The following KLHL22 variants were observed in gnomAD, a reference collection of about 807,000 sequenced individuals.
The protein encoded by KLHL22 is kelch like family member 22.
KLHL22 carries 18 observed loss-of-function variants against 60.7 expected under a neutral mutation model. The ratio of observed to expected loss-of-function variants is 0.30; its 90% CI spans 0.20 to 0.44. The LOEUF is 0.44. KLHL22 is among the 20% of genes least tolerant of loss of function. The pLI is 1.00. For synonymous variants in KLHL22, 355 were observed against 354.5 expected (o/e 1.00, Z -0.01); for missense variants, 596 against 852.3 (o/e 0.70, Z 3.74).
intron 1 of KLHL22, among the ~76,000 whole-genome samples, chr22:20,494,074 G>C (rs1601400562): frequency 3.3e-5 from 4 of 122,358 alleles, no homozygotes; most frequent in Non-Finnish European, 6.8e-5. Flanking sequence ...GCCAGACTTT[G>C]CCCCCCCCCC....
At chr22:20,473,753 T>C (rs914027893) in intron 2 of KLHL22, among the ~76,000 whole-genome samples, 1 of 152,132 alleles carries the variant, frequency 6.6e-6, no homozygotes, top group Non-Finnish European at 1.5e-5. Flanking sequence ...CACATGCCTG[T>C]AATCCCAGCT....
intron 2 of KLHL22, chr22:20,483,035 C>A: frequency 1.5e-6 from 1 of 671,450 alleles, no homozygotes. Flanking sequence ...CTAGGCCTGG[C>A]ACTGTCCCTC....
At chr22:20,464,821 C>A in intron 4 of KLHL22, 37 bp downstream of exon 4, 3 of 1,323,314 alleles carry the variant, frequency 2.3e-6, no homozygotes, top group Non-Finnish European at 3.1e-6. Flanking sequence ...CCTCTCATCA[C>A]CTGAAGACAA....
chr22:20,450,702 A>G, intron 5 of KLHL22: 1 of 1,422,814 alleles, frequency 7.0e-7, no homozygotes, highest in Non-Finnish European at 9.9e-7. Context: ...CTGAAGAACC[A>G]GTCTTTGAGG....
Position 20,457,853 on chromosome 22 carries a change from G to A in KLHL22, c.1260C>T (p.Asp420=), listed in dbSNP as rs149139970. 1.8e-5 allele frequency: 29 copies of A among 1,609,628 alleles called. No homozygotes were observed. In the African/African-American group the frequency reaches 3.6e-4, roughly 20 times the overall value. ...HNDLNAVERY[D]PATNSWAYVA... ...CGTATGCCCAGGAGTTGGTGGCAGGGTCGTAGCGCTCCACAGCATTCAGGT... is the reference window on the plus strand; with the variant it reads ...CGTATGCCCAGGAGTTGGTGGCAGGATCGTAGCGCTCCACAGCATTCAGGT... The change falls in exon 5 of 7, where the codon GAC becomes GAT. Residue 420 remains aspartate (D), a synonymous_variant. Coordinates refer to ENST00000328879, the MANE Select transcript of KLHL22 (RefSeq NM_032775.4).
At chr22:20,493,697 A>G (rs376303845) in intron 1 of KLHL22, among the ~76,000 whole-genome samples, 2 of 152,138 alleles carry the variant, frequency 1.3e-5, no homozygotes, top group African/African-American at 4.8e-5. Flanking sequence ...CAGGAGAATC[A>G]CGCCACTGCA....
At chr22:20,448,561 ATAAGT>A (rs1222777790) in intron 5 of KLHL22, among the ~76,000 whole-genome samples, 1 of 152,150 alleles carries the variant, frequency 6.6e-6, no homozygotes, top group East Asian at 1.9e-4. Flanking sequence ...TCATGTACAG[ATAAGT>A]TATTTTTTAT....
intron 2 of KLHL22, among the ~76,000 whole-genome samples, chr22:20,478,406 T>C (rs1481578205): frequency 6.6e-6 from 1 of 151,570 alleles, no homozygotes; most frequent in Non-Finnish European, 1.5e-5. Flanking sequence ...GGTTTCTCCA[T>C]GTTGGCCAGG....
chr22:20,484,599 T>C (rs1458131460), intron 2 of KLHL22, among the ~76,000 whole-genome samples: 1 of 152,096 alleles, frequency 6.6e-6, no homozygotes, highest in Non-Finnish European at 1.5e-5. Flanking sequence ...CCAGCTCTAA[T>C]TTTTGTATTT....
intron 6 of KLHL22, among the ~76,000 whole-genome samples, chr22:20,444,584 T>C (rs191214959): frequency 5.2e-4 from 79 of 152,246 alleles, no homozygotes; most frequent in African/African-American, 1.8e-3. Flanking sequence ...AATCACACTT[T>C]GAGAACTGTT....
At chr22:20,485,616 C>T (rs1043582919) in intron 2 of KLHL22, among the ~76,000 whole-genome samples, 2 of 152,214 alleles carry the variant, frequency 1.3e-5, no homozygotes, top group African/African-American at 2.4e-5. Context: ...GTCTGTAATC[C>T]GAACACTTTG....
At chr22:20,460,178 C>T (rs2053129160) in intron 4 of KLHL22, among the ~76,000 whole-genome samples, 2 of 152,212 alleles carry the variant, frequency 1.3e-5, no homozygotes, top group African/African-American at 2.4e-5. Context: ...CAGTCTGGCT[C>T]AATCACCATC....
rs151216079 is a variant in KLHL22 at position 20,457,204 on chromosome 22, C to G, written c.1305+604G>C. Among the ~76,000 whole-genome samples the G allele has an allele frequency of 1.2e-4, 18 of 152,164 alleles. 1 individual carries two copies. The highest frequency in any genetic ancestry group is 1.2e-3 in the East Asian group (6 of 5,178). ...GGCACCTCCCTAAAACATCATTTTT[C>G]CATAATGAACATAATTTTAAACATC... On this transcript the variant is annotated intron_variant, in intron 5 of 6. Transcript: ENST00000328879.
intron 5 of KLHL22, among the ~76,000 whole-genome samples, chr22:20,457,087 T>C (rs573769126): frequency 6.6e-6 from 1 of 151,906 alleles, no homozygotes; most frequent in South Asian, 2.1e-4. Flanking sequence ...ACCCAGGAAG[T>C]AGGGGGCCAG....
intron 4 of KLHL22, among the ~76,000 whole-genome samples, chr22:20,463,817 G>A (rs98399): frequency 0.62 from 94,699 of 152,110 alleles, 29,880 homozygotes; most frequent in Admixed American, 0.74. Context: ...CCTGGGGCCA[G>A]CAGTAGAGAG....
intron 4 of KLHL22, among the ~76,000 whole-genome samples, chr22:20,458,246 A>G (rs2053095862): frequency 7.0e-6 from 1 of 143,278 alleles, no homozygotes; most frequent in South Asian, 2.2e-4. Flanking sequence ...TTTCCACCTA[A>G]CTGTCCACCT....
intron 2 of KLHL22, chr22:20,482,164 C>T (rs1271718165): frequency 6.6e-6 from 1 of 152,296 alleles, no homozygotes; most frequent in African/African-American, 2.4e-5. Flanking sequence ...AATCCTCCGG[C>T]CTATTCTCCC....
intron 2 of KLHL22, chr22:20,483,092 T>C (rs1280067450): frequency 1.1e-5 from 7 of 654,782 alleles, no homozygotes; most frequent in Middle Eastern, 4.1e-4. Flanking sequence ...CAGGATCCCA[T>C]TGAGCTGCTC....
intron 2 of KLHL22, chr22:20,484,166 T>A: frequency 1.7e-6 from 1 of 586,948 alleles, no homozygotes; most frequent in South Asian, 1.5e-5. Context: ...CTAATTTTTG[T>A]ATTTTTAGTA....
Sources: allele counts gnomAD v4.1 joint callset (sites outside exome capture counted in the v4.1 genomes callset), GRCh38; gene constraint gnomAD v4.1.1; transcripts MANE v1.5; gene names NCBI Gene and HGNC (gene_info 2026-07-23, HGNC 2026-07-21).